The following CCDC171 variants were observed in gnomAD, a reference collection of about 807,000 sequenced individuals.
CCDC171 encodes coiled-coil domain-containing protein 171.
CCDC171 carries 177 observed loss-of-function variants against 168.2 expected under a neutral mutation model. The observed-to-expected ratio is 1.05, with a 90% CI of 0.93 to 1.19. CCDC171 has a LOEUF of 1.19. Among genes scored for constraint, CCDC171 ranks in the 50% most tolerant of loss-of-function variants. CCDC171 has a pLI of 0.00. For synonymous variants in CCDC171, 687 were observed against 540.8 expected (o/e 1.27, Z -3.75); for missense variants, 1,991 against 1,539.0 (o/e 1.29, Z -4.91).
chr9:15,688,509 A>G (rs1207141254), intron 10 of CCDC171, among the ~76,000 whole-genome samples: 1 of 152,230 alleles, frequency 6.6e-6, no homozygotes, highest in Non-Finnish European at 1.5e-5. Flanking sequence ...GATATAAAAA[A>G]GATATTACAC....
chr9:15,788,265 C>A (rs769902146), intron 21 of CCDC171, among the ~76,000 whole-genome samples: 3 of 152,136 alleles, frequency 2.0e-5, no homozygotes, highest in Non-Finnish European at 2.9e-5. Context: ...TCAGTTTCCT[C>A]TTCTGCAGAA....
intron 1 of CCDC171, among the ~76,000 whole-genome samples, chr9:16,047,271 G>C (rs973334304): frequency 6.6e-6 from 1 of 152,104 alleles, no homozygotes; most frequent in Non-Finnish European, 1.5e-5. Flanking sequence ...CCTTAAATCT[G>C]TGCCCTCCCT....
chr9:15,863,792 TAC>T (rs2061658386), intron 23 of CCDC171, among the ~76,000 whole-genome samples: 2 of 152,218 alleles, frequency 1.3e-5, no homozygotes, highest in South Asian at 2.1e-4. Flanking sequence ...TTTCGTGGCA[TAC>T]ACAGTTTTTT....
At chr9:15,702,431 CTGCTCTATAAA>C (rs1564244967) in intron 11 of CCDC171, among the ~76,000 whole-genome samples, 1 of 152,096 alleles carries the variant, frequency 6.6e-6, no homozygotes, top group Non-Finnish European at 1.5e-5. Flanking sequence ...TACTCTCCCT[CTGCTCTATAAA>C]TGCTCTATAA....
intron 7 of CCDC171, among the ~76,000 whole-genome samples, chr9:15,643,592 C>G (rs372020284): frequency 6.6e-6 from 1 of 152,114 alleles, no homozygotes; most frequent in South Asian, 2.1e-4. Flanking sequence ...ATAAAACTCA[C>G]CCTTTAAAAG....
chr9:16,016,357 AAG>A (rs1833016050), intron 3 of CCDC171, among the ~76,000 whole-genome samples: 1 of 152,118 alleles, frequency 6.6e-6, no homozygotes, highest in African/African-American at 2.4e-5. Flanking sequence ...CCTCTTTTAG[AAG>A]AGTCTTCTTG....
At position 15,623,475 on chromosome 9, in the gene CCDC171, G is replaced by GCGCGCGCGCGCACGCGCGCACACACA; in HGVS notation, c.822+63_822+64insGCGCGCGCGCACGCGCGCACACACAC. 3.2e-3 allele frequency: 1,012 copies of GCGCGCGCGCGCACGCGCGCACACACA among 315,312 alleles called. 3 individuals carry two copies. The highest frequency in any genetic ancestry group is 6.2e-3 in the Admixed American group (122 of 19,754). The allele number at this position is 315,312 out of a possible 1,614,324, so 19.5% of individuals were successfully genotyped here. A position where few individuals can be genotyped will look rare whatever the true frequency, so the allele number is the denominator to read the frequency against. The stretch of plus-strand genomic sequence containing the variant: ...CAAACTTTCACATATGCGCGCGCGC[G>GCGCGCGCGCGCACGCGCGCACACACA]CACACACACACACACACACACACAC... On this transcript the variant is annotated intron_variant, in intron 7 of 25. Coordinates refer to ENST00000380701, the MANE Select transcript of CCDC171 (RefSeq NM_173550.4).
chr9:15,987,004 T>C (rs1832010490), intron 3 of CCDC171, among the ~76,000 whole-genome samples: 1 of 152,086 alleles, frequency 6.6e-6, no homozygotes. Context: ...AATATTTAAA[T>C]ACTTAAAAAT....
At chr9:15,596,099 G>C (rs1159506815) in intron 6 of CCDC171, among the ~76,000 whole-genome samples, 1 of 152,148 alleles carries the variant, frequency 6.6e-6, no homozygotes, top group Non-Finnish European at 1.5e-5. Flanking sequence ...TAGGTTGCCT[G>C]TTCACTCTGA....
At chr9:16,040,000 G>T (rs888856137), upstream of CCDC171, among the ~76,000 whole-genome samples, 1 of 152,160 alleles carries the variant, frequency 6.6e-6, no homozygotes, top group Non-Finnish European at 1.5e-5. Flanking sequence ...CATTACATGT[G>T]AGGGACACTG....
At chr9:15,824,591 T>A (rs532244021) in intron 21 of CCDC171, among the ~76,000 whole-genome samples, 2 of 152,206 alleles carry the variant, frequency 1.3e-5, no homozygotes, top group Admixed American at 6.6e-5. Flanking sequence ...GGATTATGAC[T>A]TTCACAGAAT....
the CCDC171 span, among the ~76,000 whole-genome samples, chr9:16,082,549 G>C: frequency 3.3e-5 from 5 of 152,092 alleles, no homozygotes; most frequent in African/African-American, 1.2e-4. Context: ...AGCAAAGAAG[G>C]GCTAATTCTT....
intron 11 of CCDC171, among the ~76,000 whole-genome samples, chr9:15,716,878 A>G (rs1373869415): frequency 2.0e-5 from 3 of 152,194 alleles, no homozygotes; most frequent in Non-Finnish European, 4.4e-5. Context: ...TAAGTTTCCA[A>G]CACGTGAACT....
chr9:16,030,831 A>C (rs1291826896), intron 6 of CCDC171, among the ~76,000 whole-genome samples: 1 of 151,932 alleles, frequency 6.6e-6, no homozygotes, highest in African/African-American at 2.4e-5. Context: ...CAAGGTGCCA[A>C]CTCCTGGCTT....
chr9:15,950,688 A>G (rs1297525435), intron 25 of CCDC171, among the ~76,000 whole-genome samples: 2 of 152,166 alleles, frequency 1.3e-5, no homozygotes, highest in Admixed American at 6.6e-5. Context: ...TGTAAAGACC[A>G]TCGAGACTAG....
intron 3 of CCDC171, among the ~76,000 whole-genome samples, chr9:15,983,227 A>G (rs939098707): frequency 6.6e-6 from 1 of 151,966 alleles, no homozygotes; most frequent in South Asian, 2.1e-4. Context: ...CTCCTGCTTA[A>G]TCTTTTTCCC....
rs752279517 is a variant in CCDC171 at position 15,578,817 on chromosome 9, G to T, written c.178-32G>T. On this transcript the variant is annotated intron_variant, in intron 3 of 25. Coordinates refer to ENST00000380701, the MANE Select transcript of CCDC171 (RefSeq NM_173550.4). Reference sequence around the variant, plus strand: ...TGAGTGTATGATCTCATAATCTTTGGACACATGTTGATATCAGGAATCTGT... The same window carrying T: ...TGAGTGTATGATCTCATAATCTTTGTACACATGTTGATATCAGGAATCTGT... The T allele has an allele frequency of 5.1e-6, 8 of 1,575,444 alleles. No homozygotes were observed. In the South Asian group the frequency reaches 8.0e-5, roughly 16 times the overall value.
chr9:16,010,561 C>T (rs1378337817), intron 3 of CCDC171, among the ~76,000 whole-genome samples: 2 of 152,102 alleles, frequency 1.3e-5, no homozygotes, highest in Non-Finnish European at 2.9e-5. Flanking sequence ...ACAGAAGCTT[C>T]CTCCTAAAGA....
the CCDC171 span, among the ~76,000 whole-genome samples, chr9:16,076,320 T>A: frequency 6.6e-6 from 1 of 152,192 alleles, no homozygotes; most frequent in Non-Finnish European, 1.5e-5. Context: ...ATGCACCTGG[T>A]ACCCCCTGCG....
Sources: gnomAD v4.1 joint callset for allele counts (sites outside exome capture counted in the v4.1 genomes callset) on GRCh38, gnomAD v4.1.1 for gene constraint, MANE v1.5 for transcripts, NCBI Gene and HGNC (gene_info 2026-07-23, HGNC 2026-07-21) for gene names.